Variants in ARMC8 observed in about 807,000 individuals in gnomAD.
ARMC8 encodes armadillo repeat-containing protein 8.
Under a neutral mutation model 99.3 loss-of-function variants are expected in ARMC8, and 20 were observed. The observed-to-expected ratio is 0.20, with a 90% CI of 0.14 to 0.29. ARMC8 has a LOEUF of 0.29. ARMC8 is among the 10% of genes least tolerant of loss of function. ARMC8 has a pLI of 1.00. For synonymous variants in ARMC8, 263 were observed against 278.3 expected, an observed-to-expected ratio of 0.95 and a Z score of 0.55; for missense variants, 569 against 809.5, an observed-to-expected ratio of 0.70 and a Z score of 3.60.
At chr3:138,214,608 A>G (rs1284263563) in intron 2 of ARMC8, among the ~76,000 whole-genome samples, 2 of 152,228 alleles carry the variant, frequency 1.3e-5, no homozygotes, top group African/African-American at 4.8e-5. Flanking sequence ...GAAAATAAGT[A>G]TTCCAAAAAA....
intron 16 of ARMC8, among the ~76,000 whole-genome samples, chr3:138,271,526 C>T (rs985987177): frequency 6.6e-6 from 1 of 152,320 alleles, no homozygotes; most frequent in Admixed American, 6.5e-5. Context: ...GGAAACTGAA[C>T]TCATTTCACT....
intron 18 of ARMC8, among the ~76,000 whole-genome samples, chr3:138,277,154 G>C (rs1261915960): frequency 6.6e-6 from 1 of 152,046 alleles, no homozygotes; most frequent in Non-Finnish European, 1.5e-5. Flanking sequence ...TATTGACAAA[G>C]GTACAAAGGC....
intron 2 of ARMC8, among the ~76,000 whole-genome samples, chr3:138,210,386 A>G (rs1394407581): frequency 6.6e-6 from 1 of 152,184 alleles, no homozygotes; most frequent in African/African-American, 2.4e-5. Context: ...TTTTTTCTCC[A>G]AAATTTCATG....
At chr3:138,215,989 TAG>T (rs1250380990) in intron 2 of ARMC8, among the ~76,000 whole-genome samples, 1 of 151,098 alleles carries the variant, frequency 6.6e-6, no homozygotes, top group Non-Finnish European at 1.5e-5. Context: ...GCCTCCCGAG[TAG>T]CTGGGATTAC....
At position 138,273,038 on chromosome 3, in the gene ARMC8, C is replaced by T. The variant is rs952963574; in HGVS notation, c.1551C>T (p.Phe517=). ...GAAGCTTGAGTACTGAACAGCTATT[C>T]CGGTTATTATCAGATTCAGATTTGA... is the stretch of plus-strand genomic sequence containing the variant. ...ILRSLSTEQL[F]RLLSDSDLNV... Residue 517 remains phenylalanine, a synonymous_variant, in exon 17 of 22, where the codon TTC becomes TTT. Coordinates refer to ENST00000469044, the MANE Select transcript of ARMC8 (RefSeq NM_001363941.2). The T allele has an allele frequency of 3.1e-6, 5 of 1,613,054 alleles. No homozygotes were observed. The Admixed American group carries it at 6.7e-5, about 22-fold the overall frequency.
At chr3:138,214,803 G>A (rs1300673024) in intron 2 of ARMC8, among the ~76,000 whole-genome samples, 1 of 152,104 alleles carries the variant, frequency 6.6e-6, no homozygotes, top group African/African-American at 2.4e-5. Context: ...ATAGGTGCCT[G>A]CCACCATGCA....
At chr3:138,287,829 G>T in intron 19 of ARMC8, 1 of 334,678 alleles carries the variant, frequency 3.0e-6, no homozygotes, top group South Asian at 2.5e-5. Context: ...TACTCTCTCA[G>T]ATGTGCATAA....
chr3:138,191,212 G>T (rs2043363561), intron 1 of ARMC8, among the ~76,000 whole-genome samples: 1 of 152,114 alleles, frequency 6.6e-6, no homozygotes, highest in Non-Finnish European at 1.5e-5. Flanking sequence ...ATTTTGGAGG[G>T]TTGGACAAAC....
Position 138,229,018 on chromosome 3 carries a change from C to T in ARMC8, c.528+8C>T, listed in dbSNP as rs367774695. 2 of 1,588,874 alleles carry T rather than the reference C, an allele frequency of 1.3e-6. No homozygotes were observed. On this transcript the variant is annotated splice_region_variant and intron_variant, in intron 6 of 21. Coordinates refer to ENST00000469044, the MANE Select transcript of ARMC8 (RefSeq NM_001363941.2). ...TTCTCACACTGCTGTAAAGTAAGAA[C>T]CAGAATAAATGTTATCTATAATGTA...
chr3:138,261,256 T>C (rs1469522659), intron 12 of ARMC8, among the ~76,000 whole-genome samples: 1 of 152,202 alleles, frequency 6.6e-6, no homozygotes, highest in African/African-American at 2.4e-5. Context: ...TAGTGCTAAG[T>C]AAATTGTTTT....
chr3:138,254,764 C>T (rs145978586), intron 12 of ARMC8, among the ~76,000 whole-genome samples: 19 of 152,190 alleles, frequency 1.2e-4, no homozygotes, highest in Non-Finnish European at 2.2e-4. Flanking sequence ...GAGAAAACTC[C>T]CACTTTTCCA....
At chr3:138,244,769 G>T (rs1298086883) in intron 11 of ARMC8, among the ~76,000 whole-genome samples, 2 of 152,196 alleles carry the variant, frequency 1.3e-5, no homozygotes, top group African/African-American at 4.8e-5. Flanking sequence ...AAGCATTAGT[G>T]CCAGTAAAGC....
intron 1 of ARMC8, among the ~76,000 whole-genome samples, chr3:138,197,608 T>A (rs146633106): frequency 3.3e-5 from 5 of 152,322 alleles, no homozygotes; most frequent in African/African-American, 1.2e-4. Flanking sequence ...TTGGGAGGCA[T>A]ATAAATGAAC....
chr3:138,296,036 A>G lies in ARMC8; in HGVS notation c.*144A>G. ...TGCAAAAGCAGTTTAGTAGGCTTAG[A>G]TCTCAAATTCATCTTGAGAACATTT... On this transcript the variant is annotated 3_prime_UTR_variant, in exon 22 of 22. Coordinates refer to ENST00000469044, the MANE Select transcript of ARMC8 (RefSeq NM_001363941.2). 3.1e-6 allele frequency: 2 copies of G among 648,122 alleles called. No individual in the cohort carries two copies. The highest frequency in any genetic ancestry group is 2.5e-6 in the Non-Finnish European group (1 of 404,170). The allele number at this position is 648,122 out of a possible 1,614,324, so 40.1% of individuals were successfully genotyped here.
intron 2 of ARMC8, among the ~76,000 whole-genome samples, chr3:138,214,185 T>C (rs931311319): frequency 5.3e-5 from 8 of 151,496 alleles, no homozygotes; most frequent in African/African-American, 1.7e-4. Context: ...GGTTAGCAGA[T>C]ATCCCTACAT....
In ARMC8 at chr3:138,241,924, A is replaced by G. The variant is rs754586869; in HGVS notation, c.979A>G (p.Met327Val). ...IASITDHLIAMLADYFKYPSS... is the reference protein window; with the variant it reads ...IASITDHLIAVLADYFKYPSS... ...TAGCATAACTGATCACCTCATTGCCATGCTTGCTGATTATTTCAAGTATCC... is the reference window on the plus strand; with the variant it reads ...TAGCATAACTGATCACCTCATTGCCGTGCTTGCTGATTATTTCAAGTATCC... Residue 327 changes from methionine to valine, a missense_variant, in exon 11 of 22, where the codon ATG becomes GTG. By Grantham distance (21) the Met-to-Val change is conservative. Transcript: ENST00000469044. 2 of 1,614,058 alleles carry G rather than the reference A, an allele frequency of 1.2e-6. No homozygotes were observed. The highest frequency in any genetic ancestry group is 1.1e-5 in the South Asian group (1 of 91,082).
At chr3:138,269,820 C>CTTTTT (rs77095833) in intron 15 of ARMC8, among the ~76,000 whole-genome samples, 2 of 121,684 alleles carry the variant, frequency 1.6e-5, no homozygotes, top group Non-Finnish European at 3.4e-5. Flanking sequence ...TGTTTTCTTT[C>CTTTTT]TTTTTTTTTT....
At position 138,297,707 on chromosome 3, in the gene ARMC8, T is replaced by G. The variant is rs1159492336; in HGVS notation, c.*1815T>G. 1 of 152,232 alleles carries G rather than the reference T, an allele frequency of 6.6e-6. No homozygotes were observed. Among genetic ancestry groups the G allele is most frequent in the Non-Finnish European group, 1.5e-5 (1 of 68,046 alleles). 9.4% of individuals were successfully genotyped at this position (152,232 alleles called of 1,614,324 possible). ...AAATCTGTCACAACAGGACTTGGTT[T>G]TGTGCAGATATCAGAGTGCTAATGT... On this transcript the variant is annotated 3_prime_UTR_variant, in exon 22 of 22. Transcript: ENST00000469044.
intron 6 of ARMC8, among the ~76,000 whole-genome samples, chr3:138,234,463 G>A (rs76602990): frequency 0.022 from 3,357 of 152,184 alleles, 135 homozygotes; most frequent in African/African-American, 0.077. Flanking sequence ...ACCAAAACAC[G>A]TTGTTGTTCA....
Sources: allele counts gnomAD v4.1 joint callset (sites outside exome capture counted in the v4.1 genomes callset), GRCh38; gene constraint gnomAD v4.1.1; transcripts MANE v1.5; gene names NCBI Gene and HGNC (gene_info 2026-07-23, HGNC 2026-07-21).